Variants in FSIP2 observed in about 807,000 individuals in gnomAD.
FSIP2 encodes fibrous sheath interacting protein 2.
A neutral mutation model predicts 510.5 loss-of-function variants in FSIP2; 367 were observed. The observed-to-expected ratio is 0.72, with a 90% CI of 0.66 to 0.78. The LOEUF is 0.78. Ranked by LOEUF, FSIP2 falls within the 30% of genes least tolerant of loss-of-function variation. The pLI, the probability that FSIP2 is intolerant of heterozygous loss-of-function variation, is 0.00. For synonymous variants in FSIP2, 2,601 were observed against 2,732.2 expected (o/e 0.95, Z 1.50); for missense variants, 7,594 against 7,901.7 (o/e 0.96, Z 1.48).
chr2:185,809,212 A>T, intron 17 of FSIP2, 79 bp downstream of exon 17: 1 of 1,437,876 alleles, frequency 7.0e-7, no homozygotes, highest in Non-Finnish European at 9.3e-7. Context: ...TCAAATAAGT[A>T]TATGGAAATG....
Position 185,807,182 on chromosome 2 carries a change from A to C in FSIP2, c.17876A>C (p.Gln5959Pro). Residue 5959 changes from glutamine (Q) to proline (P), a missense_variant, in exon 17 of 23, where the codon CAA (glutamine) becomes CCA (proline). Coordinates refer to ENST00000424728, the MANE Select transcript of FSIP2 (RefSeq NM_173651.4). ...AGTGCAGTGATAAATGAAATTTTCC[A>C]ACGTCAGGTTAACTTGATATTTTGT... ...LTSAVINEIFQRQVNLIFCDE... is the reference protein window; with the variant it reads ...LTSAVINEIFPRQVNLIFCDE... 6.2e-7 allele frequency: 1 copy of C among 1,601,282 alleles called. No individual in the cohort carries two copies.
At chr2:185,752,909 A>G (rs1692176436) in intron 7 of FSIP2, among the ~76,000 whole-genome samples, 1 of 151,422 alleles carries the variant, frequency 6.6e-6, no homozygotes, top group South Asian at 2.1e-4. Flanking sequence ...ATCTTCTTAT[A>G]AATATTATTT....
intron 20 of FSIP2, among the ~76,000 whole-genome samples, chr2:185,825,688 G>C (rs1694002517): frequency 6.6e-6 from 1 of 151,702 alleles, no homozygotes; most frequent in Admixed American, 6.6e-5. Context: ...ATATCTTTTA[G>C]TAATATCACA....
In FSIP2 at chr2:185,793,992, A is replaced by G. The variant is rs1197904165; in HGVS notation, c.6856A>G (p.Ile2286Val). Residue 2286 changes from isoleucine to valine, a missense_variant, in exon 16 of 23, where the codon ATC becomes GTC. Physicochemically the swap from Ile to Val is conservative, Grantham distance 29. Transcript: ENST00000424728. ...AFQSKEKSFV[I>V]PELENCKQND... ...CCAAAGTAAAGAAAAGTCATTTGTT[A>G]TCCCAGAATTGGAAAATTGTAAACA... 2.0e-6 allele frequency: 3 copies of G among 1,532,788 alleles called. No homozygotes were observed. In the South Asian group the frequency reaches 3.6e-5, roughly 18 times the overall value. 94.9% of individuals were successfully genotyped at this position (1,532,788 alleles called of 1,614,324 possible).
At chr2:185,752,327 A>T (rs1692165286) in intron 7 of FSIP2, among the ~76,000 whole-genome samples, 2 of 150,678 alleles carry the variant, frequency 1.3e-5, no homozygotes, top group East Asian at 1.9e-4. Flanking sequence ...TCTATGTAAC[A>T]TGATTTGTTT....
rs753424973 is a variant in FSIP2 at position 185,805,496 on chromosome 2, T to G, written c.16190T>G (p.Leu5397Arg). ...ATATCTGCATTCAGGATTCAACCAC[T>G]TTTTTCAGGAGACTGGTCTTCCACC... Reference protein sequence around the residue: ...KAISAFRIQPLFSGDWSSTFF... With the variant: ...KAISAFRIQPRFSGDWSSTFF... Residue 5397 changes from leucine to arginine, a missense_variant, in exon 17 of 23, where the codon CTT (leucine) becomes CGT (arginine). Transcript: ENST00000424728. 1 of 1,611,718 alleles carries G rather than the reference T, an allele frequency of 6.2e-7. No individual in the cohort carries two copies. Among genetic ancestry groups the G allele is most frequent in the South Asian group, 1.1e-5 (1 of 90,984 alleles).
In FSIP2 at chr2:185,803,304, A is replaced by C. The variant is rs972258826; in HGVS notation, c.13998A>C (p.Thr4666=). ...CTGAAGAACTCATACATTTGATTAC[A>C]GGGGAATTCTCAAAAGCCCAAGTTA... ...EKAEELIHLI[T]GEFSKAQVSI... Residue 4666 remains threonine (T), a synonymous_variant, in exon 17 of 23, where the codon ACA becomes ACC. Transcript: ENST00000424728. The C allele has an allele frequency of 6.5e-7, 1 of 1,527,870 alleles. No homozygotes were observed. The highest frequency in any genetic ancestry group is 2.5e-5 in the East Asian group (1 of 40,802). The allele number at this position is 1,527,870 out of a possible 1,614,324, so 94.6% of individuals were successfully genotyped here.
chr2:185,831,985 C>T, intron 22 of FSIP2, 103 bp downstream of exon 22: 1 of 702,434 alleles, frequency 1.4e-6, no homozygotes, highest in East Asian at 2.7e-5. Context: ...GTGGCTCTCC[C>T]CTTGCATATT....
chr2:185,788,732 A>G lies in FSIP2; in HGVS notation c.1596A>G (p.Thr532=), dbSNP rs755695482. 2.6e-5 allele frequency: 40 copies of G among 1,533,930 alleles called. No individual in the cohort carries two copies. The highest frequency in any genetic ancestry group is 3.4e-5 in the Non-Finnish European group (39 of 1,145,382). The change falls in exon 16 of 23, where the codon ACA becomes ACG. Residue 532 remains threonine (T), a synonymous_variant. Transcript: ENST00000424728. ...TVTSILYPAI[T]KYEKRLQNNT... Reference sequence around the variant, plus strand: ...CCAGTATATTGTACCCAGCCATCACAAAGTATGAAAAAAGATTGCAAAATA... The same window carrying G: ...CCAGTATATTGTACCCAGCCATCACGAAGTATGAAAAAAGATTGCAAAATA...
chr2:185,802,036 G>A lies in FSIP2; in HGVS notation c.12730G>A (p.Asp4244Asn), dbSNP rs1166206893. 9 of 1,531,088 alleles carry A rather than the reference G, an allele frequency of 5.9e-6. No individual in the cohort carries two copies. Among genetic ancestry groups the A allele is most frequent in the Non-Finnish European group, 7.0e-6 (8 of 1,144,502 alleles). 94.8% of individuals were successfully genotyped at this position (1,531,088 alleles called of 1,614,324 possible). The change falls in exon 17 of 23, where the codon GAC (aspartate) becomes AAC (asparagine). Residue 4244 changes from aspartate to asparagine, a missense_variant. Physicochemically the swap from Asp to Asn is conservative, Grantham distance 23. Coordinates refer to ENST00000424728, the MANE Select transcript of FSIP2 (RefSeq NM_173651.4). ...AGTAAGCCGAAGCCCAATTATGATTGACCAAATAGCCAGCTTTATCATCCA... is the reference window on the plus strand; with the variant it reads ...AGTAAGCCGAAGCCCAATTATGATTAACCAAATAGCCAGCTTTATCATCCA... ...SIVSRSPIMI[D>N]QIASFIIQEI...
At chr2:185,747,219 C>A in intron 6 of FSIP2, 94 bp from the exon 7 acceptor site, 1 of 692,212 alleles carries the variant, frequency 1.4e-6, no homozygotes, top group Non-Finnish European at 2.5e-6. Context: ...CTGTTAGGCC[C>A]TGACTTGTTT....
chr2:185,737,960 T>C (rs1691819213), upstream of FSIP2, among the ~76,000 whole-genome samples: 1 of 152,200 alleles, frequency 6.6e-6, no homozygotes, highest in Admixed American at 6.5e-5. Flanking sequence ...CTAAAATAAA[T>C]AAATGTTTAA....
rs989359016 is a variant in FSIP2, at chr2:185,795,430, C to T, written c.8294C>T (p.Ser2765Phe). 6.5e-7 allele frequency: 1 copy of T among 1,534,516 alleles called. No individual in the cohort carries two copies. The highest frequency in any genetic ancestry group is 8.7e-7 in the Non-Finnish European group (1 of 1,145,900). The change falls in exon 16 of 23, where the codon TCT (serine) becomes TTT (phenylalanine). Residue 2765 changes from serine (S) to phenylalanine (F), a missense_variant. Coordinates refer to ENST00000424728, the MANE Select transcript of FSIP2 (RefSeq NM_173651.4). ...GTAAAGCAAACCAAAGCTTTACCAT[C>T]TGATCAAATCATAGCAGCAGGTAAA... The part of the protein sequence containing the change: ...GKVKQTKALP[S>F]DQIIAAGKIV...
At position 185,808,071 on chromosome 2, in the gene FSIP2, T is replaced by C. The variant is rs373733629; in HGVS notation, c.18765T>C (p.Ser6255=). ...CAACTATTGAAAACATAGTTAATTC[T>C]ATTTATACCAGTGTTTTAAAGCACT... ...DNATIENIVN[S]IYTSVLKHSG... is the part of the protein sequence containing the mutation. The change falls in exon 17 of 23, where the codon TCT becomes TCC. Residue 6255 remains serine (S), a synonymous_variant. Transcript: ENST00000424728. The C allele has an allele frequency of 1.9e-6, 3 of 1,607,870 alleles. No homozygotes were observed. The highest frequency in any genetic ancestry group is 2.5e-6 in the Non-Finnish European group (3 of 1,178,014).
Position 185,790,709 on chromosome 2 carries a change from T to C in FSIP2, c.3573T>C (p.Ser1191=). 3.3e-6 allele frequency: 5 copies of C among 1,533,990 alleles called. No individual in the cohort carries two copies. The highest frequency in any genetic ancestry group is 3.5e-6 in the Non-Finnish European group (4 of 1,145,434). The change falls in exon 16 of 23, where the codon AGT becomes AGC. Residue 1191 remains serine, a synonymous_variant. Transcript: ENST00000424728. ...ASNYISNTTK[S]SISSSVHQIS... ...ACTACATTTCCAATACCACTAAAAG[T>C]TCCATTTCATCATCAGTTCATCAGA...
At position 185,747,417 on chromosome 2, in the gene FSIP2, C is replaced by T. The variant is rs1376032771; in HGVS notation, c.864C>T (p.Asp288=). 1.3e-6 allele frequency: 2 copies of T among 1,505,406 alleles called. No homozygotes were observed. Among genetic ancestry groups the T allele is most frequent in the African/African-American group, 1.4e-5 (1 of 72,520 alleles). The allele number at this position is 1,505,406 out of a possible 1,614,324, so 93.3% of individuals were successfully genotyped here. A position where few individuals can be genotyped will look rare whatever the true frequency, so the allele number is the denominator to read the frequency against. The change falls in exon 7 of 23, where the codon GAC becomes GAT. Residue 288 remains aspartate, a synonymous_variant. Coordinates refer to ENST00000424728, the MANE Select transcript of FSIP2 (RefSeq NM_173651.4). The part of the protein sequence containing the change: ...EQQHRNREES[D]RKKQDLLEKK... Reference sequence around the variant, plus strand: ...AGCATAGAAACAGAGAAGAGAGTGACAGGAAGGTAGGGTGAGCTTTAACCT... The same window carrying T: ...AGCATAGAAACAGAGAAGAGAGTGATAGGAAGGTAGGGTGAGCTTTAACCT...
intron 7 of FSIP2, among the ~76,000 whole-genome samples, chr2:185,747,876 T>C (rs1559009959): frequency 6.6e-6 from 1 of 152,190 alleles, no homozygotes; most frequent in East Asian, 1.9e-4. Flanking sequence ...TTCTCACATA[T>C]ACACATACAC....
At position 185,797,270 on chromosome 2, in the gene FSIP2, A is replaced by C; in HGVS notation, c.10134A>C (p.Glu3378Asp). The change falls in exon 16 of 23, where the codon GAA (glutamate) becomes GAC (aspartate). Residue 3378 changes from glutamate (E) to aspartate (D), a missense_variant. Transcript: ENST00000424728. ...SEVSGGQKDN[E>D]KSLLRMQDKK... ...TATCTGGAGGGCAAAAGGATAACGA[A>C]AAAAGTTTGCTTAGAATGCAGGATA... 1 of 1,534,484 alleles carries C rather than the reference A, an allele frequency of 6.5e-7. No individual in the cohort carries two copies. Among genetic ancestry groups the C allele is most frequent in the Non-Finnish European group, 8.7e-7 (1 of 1,146,108 alleles).
chr2:185,831,746 C>CT, intron 21 of FSIP2, 67 bp from the exon 22 acceptor site: 1 of 975,506 alleles, frequency 1.0e-6, no homozygotes, highest in Non-Finnish European at 1.7e-6. Flanking sequence ...GATTTGAGGA[C>CT]TTATGGGTAT....
Sources: gnomAD v4.1 joint callset for allele counts (sites outside exome capture counted in the v4.1 genomes callset) on GRCh38, gnomAD v4.1.1 for gene constraint, MANE v1.5 for transcripts, NCBI Gene and HGNC (gene_info 2026-07-23, HGNC 2026-07-21) for gene names.